The following TSNARE1 variants were observed in gnomAD, a reference collection of about 807,000 sequenced individuals.
TSNARE1 encodes the protein t-SNARE domain containing 1.
TSNARE1 carries 49 observed loss-of-function variants against 62.0 expected under a neutral mutation model. That is an observed-to-expected ratio of 0.79 (90% CI 0.63 to 1.00). TSNARE1 has a LOEUF of 1.00. TSNARE1 is among the 50% of genes least tolerant of loss of function. TSNARE1 has a pLI of 0.00. For synonymous variants in TSNARE1, 328 were observed against 294.4 expected (o/e 1.11, Z -1.17); for missense variants, 755 against 700.1 (o/e 1.08, Z -0.88).
At chr8:142,226,410 C>T (rs1014772492) in intron 13 of TSNARE1, among the ~76,000 whole-genome samples, 18 of 152,170 alleles carry the variant, frequency 1.2e-4, no homozygotes, top group South Asian at 2.1e-4. Context: ...CTACGGTTGG[C>T]GCCTCCCGCC....
rs749239602 is a variant in TSNARE1, at chr8:142,318,524, C to T, written c.984+20G>A. On this transcript the variant is annotated intron_variant, in intron 7 of 13. Transcript: ENST00000524325. ...GTCCATTCCTCTCCTCCCTCCCAGC[C>T]CCAGACCCCAGGAACATACCGGGCA... 6.2e-7 allele frequency: 1 copy of T among 1,609,114 alleles called. No individual in the cohort carries two copies. Among genetic ancestry groups the T allele is most frequent in the Non-Finnish European group, 8.5e-7 (1 of 1,178,776 alleles).
At chr8:142,254,667 C>G (rs7461408) in intron 12 of TSNARE1, among the ~76,000 whole-genome samples, 152,126 of 152,288 alleles carry the variant, frequency 1, 75,984 homozygotes, top group Middle Eastern at 1. Context: ...ATGGGGAAGG[C>G]GGGGCATCAG....
At chr8:142,371,522 A>G (rs780774745) in intron 1 of TSNARE1, among the ~76,000 whole-genome samples, 4 of 152,244 alleles carry the variant, frequency 2.6e-5, no homozygotes, top group South Asian at 4.1e-4. Flanking sequence ...TTATACTTCA[A>G]TAAGGCTGAC....
chr8:142,305,623 G>A (rs1399984960), intron 9 of TSNARE1, among the ~76,000 whole-genome samples: 2 of 152,124 alleles, frequency 1.3e-5, no homozygotes, highest in African/African-American at 4.8e-5. Context: ...TTAGACGCCC[G>A]GGTCCCTCCG....
intron 1 of TSNARE1, among the ~76,000 whole-genome samples, chr8:142,359,884 G>A (rs1242255876): frequency 1.3e-5 from 2 of 152,242 alleles, no homozygotes; most frequent in African/African-American, 4.8e-5. Context: ...GGAGCACACT[G>A]CCAATCACAG....
At chr8:142,261,448 G>A (rs964822480) in intron 12 of TSNARE1, among the ~76,000 whole-genome samples, 2 of 151,510 alleles carry the variant, frequency 1.3e-5, no homozygotes, top group Admixed American at 6.6e-5. Context: ...GGAGGACCGG[G>A]GAGGGAGAGT....
chr8:142,324,988 C>T (rs1205883439), intron 6 of TSNARE1, among the ~76,000 whole-genome samples: 19 of 152,242 alleles, frequency 1.2e-4, no homozygotes, highest in Non-Finnish European at 1.3e-4. Context: ...ACTGCCCCGT[C>T]CTAGACCTGG....
At position 142,393,127 on chromosome 8, in the gene TSNARE1, T is replaced by C. The variant is rs187700162; in HGVS notation, c.-40+9977A>G. On this transcript the variant is annotated intron_variant, in intron 1 of 13. Coordinates refer to ENST00000524325, the MANE Select transcript of TSNARE1 (RefSeq NM_145003.5). ...GGTCATTAGAATAACCTGTGGGCCA[T>C]CCACACCGTGGAACAGGCCTCTCAG... Among the ~76,000 whole-genome samples the C allele has an allele frequency of 2.6e-4, 39 of 152,220 alleles. 1 individual carries two copies. Among genetic ancestry groups the C allele is most frequent in the Admixed American group, 2.0e-3 (31 of 15,294 alleles).
intron 12 of TSNARE1, among the ~76,000 whole-genome samples, chr8:142,259,426 C>T (rs1477094912): frequency 2.0e-5 from 3 of 152,172 alleles, no homozygotes; most frequent in Admixed American, 2.0e-4. Flanking sequence ...GGGTCACCCT[C>T]CCTGCCCCCC....
chr8:142,309,453 GTT>G (rs1480164826), intron 9 of TSNARE1, among the ~76,000 whole-genome samples: 1 of 152,170 alleles, frequency 6.6e-6, no homozygotes, highest in African/African-American at 2.4e-5. Flanking sequence ...TTTGCCAAGA[GTT>G]TTTTAGCCTC....
chr8:142,382,600 C>A (rs1836848474), intron 1 of TSNARE1, among the ~76,000 whole-genome samples: 1 of 152,186 alleles, frequency 6.6e-6, no homozygotes, highest in South Asian at 2.1e-4. Context: ...GAGAGAAGGT[C>A]TGGCCATGGG....
chr8:142,310,767 G>C (rs1827446936), intron 9 of TSNARE1, among the ~76,000 whole-genome samples: 1 of 151,936 alleles, frequency 6.6e-6, no homozygotes, highest in South Asian at 2.1e-4. Flanking sequence ...TTTTTTTCTA[G>C]TTTGAATCTG....
intron 9 of TSNARE1, among the ~76,000 whole-genome samples, chr8:142,313,891 G>C (rs906287251): frequency 2.8e-4 from 42 of 152,154 alleles, no homozygotes; most frequent in African/African-American, 1.0e-3. Context: ...CAATTCTCCT[G>C]CCTCAGCCTC....
rs531223363 is a variant in TSNARE1 at position 142,375,490 on chromosome 8, G to A, written c.-39-20727C>T. ...GCAGGCACTGGCAGGACATGCCCTG[G>A]GGCTGGGCGCCAGCTTCCTCGGCTC... On this transcript the variant is annotated intron_variant, in intron 1 of 13. Coordinates refer to ENST00000524325, the MANE Select transcript of TSNARE1 (RefSeq NM_145003.5). Among the ~76,000 whole-genome samples, 251 of 152,318 alleles carry A rather than the reference G, an allele frequency of 1.6e-3. 2 individuals are homozygous for A. The highest frequency in any genetic ancestry group is 5.5e-3 in the Admixed American group (84 of 15,310).
intron 12 of TSNARE1, among the ~76,000 whole-genome samples, chr8:142,238,880 T>C (rs1191229388): frequency 1.3e-5 from 2 of 151,432 alleles, no homozygotes; most frequent in East Asian, 3.9e-4. Flanking sequence ...CAACCTCAGC[T>C]CAGGTGGCAT....
intron 4 of TSNARE1, among the ~76,000 whole-genome samples, chr8:142,338,117 T>C (rs1832025785): frequency 6.6e-6 from 1 of 152,086 alleles, no homozygotes; most frequent in Non-Finnish European, 1.5e-5. Context: ...TATCAGGACT[T>C]CTCTCTGCCG....
intron 1 of TSNARE1, among the ~76,000 whole-genome samples, chr8:142,397,884 A>C (rs1289979095): frequency 6.6e-6 from 1 of 152,170 alleles, no homozygotes; most frequent in Non-Finnish European, 1.5e-5. Flanking sequence ...TGCAGGCTCC[A>C]GACACAGGCC....
chr8:142,257,321 C>G (rs117251831), intron 12 of TSNARE1, among the ~76,000 whole-genome samples: 1 of 152,134 alleles, frequency 6.6e-6, no homozygotes, highest in Non-Finnish European at 1.5e-5. Flanking sequence ...TCTGCAGGGC[C>G]GGTGCTCAGG....
At chr8:142,265,076 C>A (rs1819064367) in intron 12 of TSNARE1, among the ~76,000 whole-genome samples, 1 of 151,886 alleles carries the variant, frequency 6.6e-6, no homozygotes, top group Admixed American at 6.6e-5. Context: ...TACTCTAATA[C>A]TCTTAGGTTA....
Sources: allele counts gnomAD v4.1 joint callset (sites outside exome capture counted in the v4.1 genomes callset), GRCh38; gene constraint gnomAD v4.1.1; transcripts MANE v1.5; gene names NCBI Gene and HGNC (gene_info 2026-07-23, HGNC 2026-07-21).